The following NLRC5 variants were observed in gnomAD, a reference collection of about 807,000 sequenced individuals.
NLRC5 encodes the protein NLR family CARD domain containing 5.
A neutral mutation model predicts 206.9 loss-of-function variants in NLRC5; 114 were observed. The ratio of observed to expected loss-of-function variants is 0.55; its 90% CI spans 0.47 to 0.64. NLRC5 has a LOEUF of 0.64. Among genes scored for constraint, NLRC5 ranks in the 30% least tolerant of loss-of-function variants. The pLI, the probability that NLRC5 is intolerant of heterozygous loss-of-function variation, is 0.00. For synonymous variants in NLRC5, 952 were observed against 962.8 expected (o/e 0.99, Z 0.21); for missense variants, 2,008 against 2,305.5 (o/e 0.87, Z 2.64).
chr16:57,062,122 T>G, intron 32 of NLRC5: 1 of 1,008,726 alleles, frequency 9.9e-7, no homozygotes, highest in Non-Finnish European at 1.4e-6. Flanking sequence ...TGTTCATACT[T>G]TTTTTATATT....
chr16:57,047,921 C>A, intron 23 of NLRC5: 1 of 444,956 alleles, frequency 2.2e-6, no homozygotes, highest in South Asian at 3.2e-5. Flanking sequence ...CCAACCCCAC[C>A]CCTGGAGCCT....
chr16:57,046,519 T>C, intron 21 of NLRC5, 33 bp from the exon 22 acceptor site: 1 of 1,591,798 alleles, frequency 6.3e-7, no homozygotes, highest in Non-Finnish European at 8.6e-7. Flanking sequence ...GGGGGTGATC[T>C]GAACTTTCCT....
At chr16:57,036,460 C>T (rs7187427) in intron 14 of NLRC5, among the ~76,000 whole-genome samples, 11,074 of 148,768 alleles carry the variant, frequency 0.074, 441 homozygotes, top group Middle Eastern at 0.093. Flanking sequence ...CCCTGGAGCA[C>T]GGTGGGGTGG....
chr16:57,075,057 C>T (rs1316095702), intron 39 of NLRC5, among the ~76,000 whole-genome samples: 1 of 106,730 alleles, frequency 9.4e-6, no homozygotes, highest in Admixed American at 1.4e-4. Context: ...TGAGTTGGGG[C>T]CTCACTGTGT....
At chr16:56,996,761 T>C (rs1021322509) in intron 1 of NLRC5, among the ~76,000 whole-genome samples, 3 of 152,204 alleles carry the variant, frequency 2.0e-5, no homozygotes, top group Non-Finnish European at 4.4e-5. Flanking sequence ...GGAAAAATAA[T>C]AAAGACATAA....
intron 1 of NLRC5, chr16:57,013,508 G>A (rs963503315): frequency 1.3e-6 from 1 of 781,696 alleles, no homozygotes; most frequent in South Asian, 1.4e-5. Context: ...TCCATTGGCT[G>A]CTTGTGCTTT....
intron 38 of NLRC5, among the ~76,000 whole-genome samples, chr16:57,073,275 C>T (rs57493853): frequency 3.3e-5 from 5 of 152,194 alleles, no homozygotes; most frequent in Middle Eastern, 3.4e-3. Context: ...CTTCCCTGTC[C>T]GAAGGAAGGG....
At chr16:57,028,897 C>T (rs765035420) in intron 8 of NLRC5, among the ~76,000 whole-genome samples, 3 of 152,204 alleles carry the variant, frequency 2.0e-5, no homozygotes, top group Admixed American at 2.0e-4. Context: ...ACTAACTAAG[C>T]TTGTATGCAC....
At chr16:57,003,326 A>G (rs2058517905) in intron 1 of NLRC5, among the ~76,000 whole-genome samples, 1 of 152,142 alleles carries the variant, frequency 6.6e-6, no homozygotes. Flanking sequence ...CTGGGATTAC[A>G]GGCTTGAGCC....
At chr16:57,066,741 G>A (rs2067124892) in intron 34 of NLRC5, 127 bp downstream of exon 34, 1 of 827,874 alleles carries the variant, frequency 1.2e-6, no homozygotes, top group South Asian at 1.5e-5. Flanking sequence ...ACAGGCTACA[G>A]AGGTCTGACC....
At chr16:57,065,179 G>C (rs761764478) in intron 32 of NLRC5, 33 bp from the exon 33 acceptor site, 1 of 1,424,796 alleles carries the variant, frequency 7.0e-7, no homozygotes, top group Non-Finnish European at 9.4e-7. Context: ...GCTCACCTTG[G>C]GGGGGCCTTA....
chr16:57,072,221 C>T (rs973470119), intron 38 of NLRC5, among the ~76,000 whole-genome samples: 33 of 152,152 alleles, frequency 2.2e-4, no homozygotes, highest in African/African-American at 7.7e-4. Flanking sequence ...CATCCCTGCA[C>T]CTGCAGGCTT....
rs1367615680 is a variant in NLRC5 at position 57,028,166 on chromosome 16, C to T, written c.2159+11C>T. The T allele has an allele frequency of 2.5e-6, 4 of 1,610,612 alleles. No individual in the cohort carries two copies. Among genetic ancestry groups the T allele is most frequent in the Non-Finnish European group, 3.4e-6 (4 of 1,177,386 alleles). ...GCTGCAGATGCTGGGGTGAGCCAGG[C>T]CTTGGAGCTGAGAAGGGTCTTCAGC... On this transcript the variant is annotated intron_variant, in intron 7 of 48. Transcript: ENST00000688547.
At chr16:57,074,814 G>C (rs2068159733) in intron 39 of NLRC5, 131 bp downstream of exon 39, 3 of 833,660 alleles carry the variant, frequency 3.6e-6, no homozygotes, top group Non-Finnish European at 5.9e-6. Flanking sequence ...GCCCATCCCT[G>C]TGCCCTCCCA....
rs1214799416 is a variant in NLRC5, at chr16:57,026,475, CT to C, written c.1535del (p.Phe512SerfsTer15). 1 of 1,614,142 alleles carries C rather than the reference CT, an allele frequency of 6.2e-7. No individual in the cohort carries two copies. Among genetic ancestry groups the C allele is most frequent in the South Asian group, 1.1e-5 (1 of 91,084 alleles). On this transcript the variant is annotated frameshift_variant, in exon 6 of 49. Transcript: ENST00000688547. LOFTEE classifies it high-confidence loss of function. The stretch of plus-strand genomic sequence containing the variant: ...CCTGGGCACCAGCAGACAGGCTATG[CT>C]TTCACCCACCTCAGCCTGCAGGAGT... ...TGPGHQQTGY[A>X]FTHLSLQEFL...
rs531984725 is a variant in NLRC5, at chr16:57,080,758, C to T, written c.5322-340C>T. The T allele has an allele frequency of 5.6e-5, 13 of 233,054 alleles. 1 individual carries two copies. Among genetic ancestry groups the T allele is most frequent in the South Asian group, 1.2e-4 (2 of 16,862 alleles). 14.4% of individuals were successfully genotyped at this position (233,054 alleles called of 1,614,324 possible). ...CTGGGATTACAGGCGTGAGCAACCA[C>T]GCCCAGCCAAGATTAATTTTTTAAA... On this transcript the variant is annotated intron_variant, in intron 46 of 48. Coordinates refer to ENST00000688547, the MANE Select transcript of NLRC5 (RefSeq NM_001384950.1).
chr16:57,038,763 C>A (rs1301843189), intron 15 of NLRC5, among the ~76,000 whole-genome samples: 1 of 151,622 alleles, frequency 6.6e-6, no homozygotes, highest in African/African-American at 2.4e-5. Context: ...GATGAAACCC[C>A]GTCTCTACTA....
intron 10 of NLRC5, 82 bp from the exon 11 acceptor site, chr16:57,031,322 G>C: frequency 7.1e-7 from 1 of 1,418,192 alleles, no homozygotes; most frequent in Non-Finnish European, 1.0e-6. Flanking sequence ...TGAACATTTG[G>C]GGCAGAAAAG....
intron 1 of NLRC5, chr16:56,992,120 T>A (rs1448223629): frequency 5.3e-5 from 8 of 152,148 alleles, no homozygotes; most frequent in Non-Finnish European, 1.5e-5. Context: ...CAGCAGCCGG[T>A]GGGAACCAGG....
Sources: gnomAD v4.1 joint callset for allele counts (sites outside exome capture counted in the v4.1 genomes callset) on GRCh38, gnomAD v4.1.1 for gene constraint, MANE v1.5 for transcripts, NCBI Gene and HGNC (gene_info 2026-07-23, HGNC 2026-07-21) for gene names.